The following CEP112 variants were observed in gnomAD, a reference collection of about 807,000 sequenced individuals.
CEP112 encodes the protein centrosomal protein of 112 kDa.
In CEP112, 127 loss-of-function variants were observed where a neutral mutation model predicts 153.0. That is an observed-to-expected ratio of 0.83 (90% CI 0.72 to 0.96). CEP112 has a LOEUF of 0.96. Among genes scored for constraint, CEP112 ranks in the 40% least tolerant of loss-of-function variants. CEP112 has a pLI of 0.00. For synonymous variants in CEP112, 358 were observed against 374.4 expected, an observed-to-expected ratio of 0.96 and a Z score of 0.51; for missense variants, 1,089 against 1,101.2, an observed-to-expected ratio of 0.99 and a Z score of 0.16.
intron 24 of CEP112, among the ~76,000 whole-genome samples, chr17:65,667,923 G>A (rs1386308671): frequency 5.4e-5 from 8 of 147,850 alleles, no homozygotes; most frequent in Non-Finnish European, 1.2e-4. Flanking sequence ...TCGAGACTGA[G>A]TCTCGCTGTG....
intron 12 of CEP112, among the ~76,000 whole-genome samples, chr17:66,051,221 T>A (rs1156976007): frequency 6.7e-6 from 1 of 149,296 alleles, no homozygotes; most frequent in Non-Finnish European, 1.5e-5. Flanking sequence ...TCAATCAATC[T>A]AACTACCTCA....
At chr17:66,127,979 C>A (rs550981455) in intron 6 of CEP112, among the ~76,000 whole-genome samples, 2 of 152,108 alleles carry the variant, frequency 1.3e-5, no homozygotes, top group East Asian at 3.9e-4. Flanking sequence ...CTCCTCCCAG[C>A]AATCATACTA....
At chr17:65,748,136 T>C (rs1025036177) in intron 22 of CEP112, among the ~76,000 whole-genome samples, 1 of 152,220 alleles carries the variant, frequency 6.6e-6, no homozygotes, top group African/African-American at 2.4e-5. Context: ...CTGACTGGCA[T>C]TGTAGACTAA....
chr17:65,890,881 G>T (rs186539082), intron 20 of CEP112, among the ~76,000 whole-genome samples: 18 of 152,284 alleles, frequency 1.2e-4, no homozygotes, highest in Non-Finnish European at 2.2e-4. Context: ...CAGGGTTATT[G>T]TTACTGTGTC....
intron 9 of CEP112, among the ~76,000 whole-genome samples, chr17:66,067,542 A>T (rs908712): frequency 0.95 from 143,987 of 152,224 alleles, 68,190 homozygotes; most frequent in East Asian, 0.98. Context: ...ATTAATAGAA[A>T]CTCGTAAAGA....
intron 23 of CEP112, among the ~76,000 whole-genome samples, chr17:65,734,180 G>A (rs1381004396): frequency 6.6e-6 from 1 of 152,230 alleles, no homozygotes; most frequent in Admixed American, 6.5e-5. Flanking sequence ...GGATGAACGA[G>A]GTTGGCACGA....
chr17:65,696,284 G>C (rs2048350695), intron 23 of CEP112, among the ~76,000 whole-genome samples: 1 of 152,148 alleles, frequency 6.6e-6, no homozygotes. Context: ...AAATCATCAT[G>C]AGGTCTCTGA....
At position 66,187,945 on chromosome 17, in the gene CEP112, C is replaced by T. The variant is rs963596235; in HGVS notation, c.-9+4052G>A. ...AAGCTAGAAGTTTCAATGTTCCCAT[C>T]CTCTGAACCCCCATAAACCAATACA... On this transcript the variant is annotated intron_variant, in intron 1 of 26. Coordinates refer to ENST00000535342, the MANE Select transcript of CEP112 (RefSeq NM_001199165.4). 2.6e-5 allele frequency among the ~76,000 whole-genome samples: 4 copies of T among 152,116 alleles called. No homozygotes were observed. In the South Asian group the frequency reaches 8.3e-4, roughly 32 times the overall value.
At chr17:66,068,365 C>T (rs1598283708) in intron 9 of CEP112, among the ~76,000 whole-genome samples, 3 of 152,134 alleles carry the variant, frequency 2.0e-5, no homozygotes, top group East Asian at 1.9e-4. Flanking sequence ...CCCAAGAATT[C>T]GAGGCTGAAG....
At chr17:66,031,464 T>G (rs1328573295) in intron 12 of CEP112, among the ~76,000 whole-genome samples, 3 of 42,204 alleles carry the variant, frequency 7.1e-5, no homozygotes, top group Non-Finnish European at 1.6e-4. Flanking sequence ...AAAAACCCAG[T>G]TTTGTTTTGT....
chr17:65,641,818 A>G (rs1279531411), intron 24 of CEP112, among the ~76,000 whole-genome samples: 1 of 152,194 alleles, frequency 6.6e-6, no homozygotes, highest in Non-Finnish European at 1.5e-5. Context: ...TCATATAATC[A>G]TGAAGACATG....
At chr17:65,974,184 C>G (rs1420202922) in intron 17 of CEP112, among the ~76,000 whole-genome samples, 1 of 152,014 alleles carries the variant, frequency 6.6e-6, no homozygotes, top group Non-Finnish European at 1.5e-5. Flanking sequence ...TCAAGCAATC[C>G]TCCCACTTCA....
chr17:65,794,534 C>A (rs894391523), intron 21 of CEP112, among the ~76,000 whole-genome samples: 8 of 152,180 alleles, frequency 5.3e-5, no homozygotes, highest in African/African-American at 1.9e-4. Context: ...CAATTACCTA[C>A]AGGAAACTCC....
chr17:66,086,171 T>G (rs2067920763), intron 8 of CEP112, among the ~76,000 whole-genome samples: 1 of 152,034 alleles, frequency 6.6e-6, no homozygotes. Context: ...TAAATAAAGT[T>G]GACTCACTTA....
chr17:65,940,409 T>C (rs76636519), intron 18 of CEP112, among the ~76,000 whole-genome samples: 2,037 of 152,184 alleles, frequency 0.013, 42 homozygotes, highest in African/African-American at 0.046. Context: ...GGAATTGAAA[T>C]CAAAATTTCA....
In CEP112 at chr17:66,176,889, C is replaced by CA; in HGVS notation, c.237dup (p.Glu80Ter). 1 of 1,613,782 alleles carries CA rather than the reference C, an allele frequency of 6.2e-7. No individual in the cohort carries two copies. The highest frequency in any genetic ancestry group is 1.3e-5 in the African/African-American group (1 of 74,990). ...TCAGGTCGGTGTGTAAAAGGGCCTT[C>CA]AAGCGCACCTCGTTTAAGCATATGC... On this transcript the variant is annotated frameshift_variant, in exon 3 of 27. Transcript: ENST00000535342. LOFTEE classifies it high-confidence loss of function.
chr17:65,884,573 A>G (rs1273843195), intron 20 of CEP112, among the ~76,000 whole-genome samples: 1 of 152,196 alleles, frequency 6.6e-6, no homozygotes, highest in Non-Finnish European at 1.5e-5. Context: ...AGTCTATGAA[A>G]CATTCTAGAA....
chr17:65,670,124 C>T (rs2046910957), intron 24 of CEP112, among the ~76,000 whole-genome samples: 1 of 151,306 alleles, frequency 6.6e-6, no homozygotes, highest in African/African-American at 2.4e-5. Context: ...ACCTGTTTGT[C>T]CCTTCAGTGG....
At chr17:65,823,012 C>A (rs908827170) in intron 21 of CEP112, among the ~76,000 whole-genome samples, 1 of 151,982 alleles carries the variant, frequency 6.6e-6, no homozygotes, top group Non-Finnish European at 1.5e-5. Context: ...TATGTGCAAC[C>A]TCTAGATGCT....
Sources: gnomAD v4.1 joint callset for allele counts (sites outside exome capture counted in the v4.1 genomes callset) on GRCh38, gnomAD v4.1.1 for gene constraint, MANE v1.5 for transcripts, NCBI Gene and HGNC (gene_info 2026-07-23, HGNC 2026-07-21) for gene names.